SLC45A4: variants seen among roughly 807,000 people sequenced by gnomAD.
The protein encoded by SLC45A4 is polyamine-transporter SLC45A4.
SLC45A4 carries 32 observed loss-of-function variants against 63.7 expected under a neutral mutation model. That is an observed-to-expected ratio of 0.50 (90% confidence interval 0.38 to 0.67). SLC45A4 has a LOEUF of 0.67. Among genes scored for constraint, SLC45A4 ranks in the 30% least tolerant of loss-of-function variants. The pLI is 0.00. For missense variants in SLC45A4, 1,027 were observed against 1,157.7 expected, an observed-to-expected ratio of 0.89 and a Z score of 1.64; for synonymous variants, 535 against 510.0, an observed-to-expected ratio of 1.05 and a Z score of -0.66.
At chr8:141,296,239 G>A (rs779540581) in intron 1 of SLC45A4, among the ~76,000 whole-genome samples, 5 of 152,124 alleles carry the variant, frequency 3.3e-5, no homozygotes, top group South Asian at 4.1e-4. Context: ...GCTGAGGCAC[G>A]AGAATCGCTT....
chr8:141,294,921 C>A (rs576744073), intron 1 of SLC45A4, among the ~76,000 whole-genome samples: 1 of 152,168 alleles, frequency 6.6e-6, no homozygotes, highest in Non-Finnish European at 1.5e-5. Context: ...AGCCTCAGCT[C>A]GAAGGTGAGG....
intron 1 of SLC45A4, among the ~76,000 whole-genome samples, chr8:141,284,984 C>G (rs1830085099): frequency 7.0e-6 from 1 of 142,044 alleles, no homozygotes; most frequent in African/African-American, 2.6e-5. Flanking sequence ...CTCGGCCCCC[C>G]AGCAAGGCCG....
rs766784320 is a variant in SLC45A4, at chr8:141,215,852, G to A, written c.1848C>T (p.Val616=). Residue 616 remains valine (V), a synonymous_variant, in exon 7 of 9, where the codon GTC becomes GTT. Coordinates refer to ENST00000517878, the MANE Select transcript of SLC45A4 (RefSeq NM_001286646.2). The surrounding 1 kb of genome is among the most constrained non-coding windows in gnomAD (Gnocchi z 4.3). The part of the protein sequence containing the change: ...AVMAMFPNVY[V]AMVTISTMGI... ...CCATGGTGCTGATGGTGACCATGGC[G>A]ACGTAGACGTTGGGAAACATGGCCA... is the stretch of plus-strand genomic sequence containing the variant. The A allele has an allele frequency of 1.4e-5, 23 of 1,614,026 alleles. No individual in the cohort carries two copies. Among genetic ancestry groups the A allele is most frequent in the Admixed American group, 3.3e-5 (2 of 60,006 alleles).
chr8:141,219,031 T>C lies in SLC45A4; in HGVS notation c.611-2A>G. On this transcript the variant is annotated splice_acceptor_variant, in intron 4 of 8. Transcript: ENST00000517878. LOFTEE classifies it high-confidence loss of function. ...CGTAGCCGATGGCTCCGCCGAGGCC[T>C]GCGTGGGAGGAAGCAGCAGCCGGTG... is the stretch of plus-strand genomic sequence containing the variant. 2 of 1,604,630 alleles carry C rather than the reference T, an allele frequency of 1.2e-6. No homozygotes were observed. The highest frequency in any genetic ancestry group is 1.1e-5 in the South Asian group (1 of 90,704).
In SLC45A4 at chr8:141,211,443, C is replaced by T. The variant is rs748331558; in HGVS notation, c.*129G>A. The T allele has an allele frequency of 1.9e-6, 3 of 1,572,294 alleles. No individual in the cohort carries two copies. The highest frequency in any genetic ancestry group is 1.4e-5 in the African/African-American group (1 of 73,156). ...GTGTCTGGGAGCCACCCCTGCAAAT[C>T]ACTGTCTTCTGCCCAGGCCCCCCGG... On this transcript the variant is annotated 3_prime_UTR_variant, in exon 9 of 9. Transcript: ENST00000517878.
chr8:141,214,000 A>G (rs1032765784), intron 7 of SLC45A4, among the ~76,000 whole-genome samples: 1 of 152,122 alleles, frequency 6.6e-6, no homozygotes, highest in Non-Finnish European at 1.5e-5. Flanking sequence ...TGAGGTCAGG[A>G]GTTTGAGACC....
chr8:141,231,012 C>A (rs561447072), intron 2 of SLC45A4, among the ~76,000 whole-genome samples: 1 of 152,360 alleles, frequency 6.6e-6, no homozygotes, highest in East Asian at 1.9e-4. Context: ...TCCCCCACCC[C>A]GCCCGGCCTC....
intron 1 of SLC45A4, among the ~76,000 whole-genome samples, chr8:141,279,167 G>C (rs1829844975): frequency 6.6e-6 from 1 of 152,230 alleles, no homozygotes. Context: ...GAAAGGAAGG[G>C]CCGATGCTCG....
At chr8:141,283,577 G>A (rs1323622890) in intron 1 of SLC45A4, among the ~76,000 whole-genome samples, 1 of 152,240 alleles carries the variant, frequency 6.6e-6, no homozygotes, top group Non-Finnish European at 1.5e-5. Flanking sequence ...CTAGTCCCAG[G>A]GGGCAGCAAG....
chr8:141,248,119 A>G (rs1234461709), intron 2 of SLC45A4, among the ~76,000 whole-genome samples: 1 of 152,144 alleles, frequency 6.6e-6, no homozygotes, highest in Non-Finnish European at 1.5e-5. Flanking sequence ...ACAGTACTAC[A>G]CTCCAGCCCA....
At chr8:141,212,059 T>C (rs1825852848) in intron 8 of SLC45A4, 138 bp downstream of exon 8, 3 of 1,382,400 alleles carry the variant, frequency 2.2e-6, no homozygotes, top group Middle Eastern at 2.7e-4. Flanking sequence ...GGAGGGGCTC[T>C]GGCCCGCACT....
rs1827255484 is a variant in SLC45A4 at position 141,229,973 on chromosome 8, C to T, written c.242-8208G>A. 2 of 440,804 alleles carry T rather than the reference C, an allele frequency of 4.5e-6. No individual in the cohort carries two copies. The highest frequency in any genetic ancestry group is 9.2e-6 in the Non-Finnish European group (2 of 218,206). 27.3% of individuals were successfully genotyped at this position (440,804 alleles called of 1,614,324 possible). Reference sequence around the variant, plus strand: ...AGATCCCTGCCTGCACTCCCGAGGCCGTGGTGCTCTGATGACATCCATGGG... The same window carrying T: ...AGATCCCTGCCTGCACTCCCGAGGCTGTGGTGCTCTGATGACATCCATGGG... On this transcript the variant is annotated intron_variant, in intron 2 of 8. Transcript: ENST00000517878. The surrounding 1 kb of genome is among the most constrained non-coding windows in gnomAD (Gnocchi z 5.0).
chr8:141,264,064 C>T (rs1829159625), intron 1 of SLC45A4, among the ~76,000 whole-genome samples: 1 of 152,166 alleles, frequency 6.6e-6, no homozygotes, highest in Non-Finnish European at 1.5e-5. Context: ...GTCCACAGCC[C>T]ATGGGAAAGG....
chr8:141,211,556 A>G lies in SLC45A4; in HGVS notation c.*16T>C, dbSNP rs763952171. The G allele has an allele frequency of 7.4e-6, 12 of 1,613,438 alleles. No homozygotes were observed. The East Asian group carries it at 2.7e-4, about 36-fold the overall frequency. On this transcript the variant is annotated 3_prime_UTR_variant, in exon 9 of 9. Coordinates refer to ENST00000517878, the MANE Select transcript of SLC45A4 (RefSeq NM_001286646.2). ...ATGTGTCCAACTCGCTGAGGAAAAG[A>G]AGATACGTCATTCTTCTAAGAGAAC...
intron 2 of SLC45A4, among the ~76,000 whole-genome samples, chr8:141,240,247 CGAGTGGAGAGA>C (rs1827846314): frequency 6.6e-6 from 1 of 152,228 alleles, no homozygotes; most frequent in Admixed American, 6.5e-5. Context: ...CGATCTTCGT[CGAGTGGAGAGA>C]AGTTAGGCTC....
At chr8:141,228,706 T>G in intron 2 of SLC45A4, 3 of 827,110 alleles carry the variant, frequency 3.6e-6, no homozygotes, top group Non-Finnish European at 2.9e-6. Context: ...GGAAGCTTCC[T>G]GAAGAGCACA....
At chr8:141,255,286 C>T (rs1171550168) in intron 1 of SLC45A4, among the ~76,000 whole-genome samples, 1 of 152,098 alleles carries the variant, frequency 6.6e-6, no homozygotes, top group Non-Finnish European at 1.5e-5. Context: ...TTACATTGAC[C>T]TGGCTGGTAT....
intron 2 of SLC45A4, among the ~76,000 whole-genome samples, chr8:141,241,204 G>A (rs909977835): frequency 1.3e-5 from 2 of 152,276 alleles, no homozygotes; most frequent in African/African-American, 4.8e-5. Flanking sequence ...GCCAGGCTGC[G>A]GTGAGCAGTG....
At chr8:141,282,661 C>A (rs371316090) in intron 1 of SLC45A4, among the ~76,000 whole-genome samples, 1 of 152,376 alleles carries the variant, frequency 6.6e-6, no homozygotes, top group Non-Finnish European at 1.5e-5. Context: ...TTCAACCCAA[C>A]GTCCAAGGCC....
Sources: gnomAD v4.1 joint callset for allele counts (sites outside exome capture counted in the v4.1 genomes callset) on GRCh38, gnomAD v4.1.1 for gene constraint, Gnocchi (gnomAD v3.1) non-coding constraint, MANE v1.5 for transcripts, NCBI Gene and HGNC (gene_info 2026-07-23, HGNC 2026-07-21) for gene names.